Variants in CSNK1A1 observed in about 807,000 individuals in gnomAD.
CSNK1A1 encodes casein kinase I isoform alpha.
CSNK1A1 carries 7 observed loss-of-function variants against 46.1 expected under a neutral mutation model. The observed-to-expected ratio is 0.15, with a 90% CI of 0.09 to 0.29. CSNK1A1 has a LOEUF of 0.29. CSNK1A1 is among the 10% of genes least tolerant of loss of function. The pLI is 1.00. For missense variants in CSNK1A1, 96 were observed against 417.1 expected, an observed-to-expected ratio of 0.23 and a Z score of 6.71; for synonymous variants, 137 against 141.5, an observed-to-expected ratio of 0.97 and a Z score of 0.23.
Position 149,517,397 on chromosome 5 carries a change from T to C in CSNK1A1, c.456+2893A>G, listed in dbSNP as rs1325076304. Among the ~76,000 whole-genome samples the C allele has an allele frequency of 6.6e-6, 1 of 152,196 alleles. No homozygotes were observed. Among genetic ancestry groups the C allele is most frequent in the Non-Finnish European group, 1.5e-5 (1 of 68,022 alleles). Reference sequence around the variant, plus strand: ...GTAGAATATATTCATTATACAGCACTAATGAACTGAATTTAAATATATTTC... The same window carrying C: ...GTAGAATATATTCATTATACAGCACCAATGAACTGAATTTAAATATATTTC... On this transcript the variant is annotated intron_variant, in intron 4 of 9. Coordinates refer to ENST00000377843, the MANE Select transcript of CSNK1A1 (RefSeq NM_001892.6). The surrounding 1 kb of genome is among the most constrained non-coding windows in gnomAD (Gnocchi z 4.4).
chr5:149,522,600 T>C (rs929965738), intron 3 of CSNK1A1, among the ~76,000 whole-genome samples: 1 of 152,236 alleles, frequency 6.6e-6, no homozygotes, highest in Admixed American at 6.5e-5. Flanking sequence ...GATTCTAAAT[T>C]GTACTCTTCT....
chr5:149,502,425 C>T, intron 9 of CSNK1A1: 2 of 548,654 alleles, frequency 3.6e-6, no homozygotes, highest in Non-Finnish European at 4.6e-6. Context: ...TCATTGCAGC[C>T]TCAACCTCCA....
chr5:149,549,695 T>C (rs1477942529), intron 2 of CSNK1A1, among the ~76,000 whole-genome samples: 1 of 152,152 alleles, frequency 6.6e-6, no homozygotes, highest in Non-Finnish European at 1.5e-5. Flanking sequence ...GAACTGACAC[T>C]GCCGGGTCGC....
chr5:149,530,584 G>A (rs1268928063), intron 2 of CSNK1A1, among the ~76,000 whole-genome samples: 1 of 152,050 alleles, frequency 6.6e-6, no homozygotes, highest in Non-Finnish European at 1.5e-5. Context: ...CCTTTTTAAT[G>A]GGAGCAGAAA....
At chr5:149,503,444 T>C in intron 9 of CSNK1A1, 1 of 985,468 alleles carries the variant, frequency 1.0e-6, no homozygotes, top group Non-Finnish European at 1.2e-6. Context: ...ACAGATGTAC[T>C]GCCTTGGAAG....
At chr5:149,536,676 GATGGCTATTCAAATAC>G (rs1360391093) in intron 2 of CSNK1A1, among the ~76,000 whole-genome samples, 3 of 152,176 alleles carry the variant, frequency 2.0e-5, no homozygotes, top group Non-Finnish European at 4.4e-5. Context: ...AGAAAGAAAA[GATGGCTATTCAAATAC>G]ATGAATAGCT....
At chr5:149,497,418 G>C (rs996587558) in intron 9 of CSNK1A1, 1 of 985,688 alleles carries the variant, frequency 1.0e-6, no homozygotes, top group African/African-American at 1.7e-5. Context: ...GCATTAGAAA[G>C]ATTGTTTTGT....
intron 2 of CSNK1A1, among the ~76,000 whole-genome samples, chr5:149,548,304 C>T (rs949322679): frequency 2.0e-5 from 3 of 152,242 alleles, no homozygotes; most frequent in East Asian, 3.9e-4. Flanking sequence ...CGGTGGCTCA[C>T]GCCTATAATC....
intron 9 of CSNK1A1, chr5:149,498,484 T>A: frequency 1.0e-6 from 1 of 985,290 alleles, no homozygotes. Context: ...AATTTCAATT[T>A]TAAAATACAG....
At chr5:149,511,688 C>T (rs1047258756) in intron 6 of CSNK1A1, 106 bp downstream of exon 6, 4 of 770,804 alleles carry the variant, frequency 5.2e-6, no homozygotes, top group Non-Finnish European at 8.5e-6. Context: ...CTTTATATCT[C>T]AGAAAAATCT....
rs1760656275 is a variant in CSNK1A1 at position 149,496,450 on chromosome 5, T to A, written c.*403A>T. ...GAGCATTTAACAACCATCACAACTG[T>A]GGCTGAAGACTGTTCATGCCGTTCT... On this transcript the variant is annotated 3_prime_UTR_variant, in exon 10 of 10. Transcript: ENST00000377843. The A allele has an allele frequency of 5.7e-6, 1 of 175,744 alleles. No homozygotes were observed. The highest frequency in any genetic ancestry group is 1.2e-5 in the Non-Finnish European group (1 of 83,166). 10.9% of individuals were successfully genotyped at this position (175,744 alleles called of 1,614,324 possible).
chr5:149,522,748 A>C (rs1264706012), intron 3 of CSNK1A1, among the ~76,000 whole-genome samples: 1 of 152,112 alleles, frequency 6.6e-6, no homozygotes, highest in Non-Finnish European at 1.5e-5. Flanking sequence ...CCTTCCTCAG[A>C]ATTATATTTT....
At chr5:149,503,900 A>T in intron 9 of CSNK1A1, 1 of 985,464 alleles carries the variant, frequency 1.0e-6, no homozygotes, top group Non-Finnish European at 1.2e-6. Flanking sequence ...CTATTATCCC[A>T]GCTAGCTTTC....
At chr5:149,505,099 GGATT>G (rs1373233761) in intron 9 of CSNK1A1, 3 of 1,002,926 alleles carry the variant, frequency 3.0e-6, no homozygotes, top group Non-Finnish European at 3.6e-6. Context: ...CTAGGATTTT[GGATT>G]GATTGATTAT....
intron 7 of CSNK1A1, among the ~76,000 whole-genome samples, chr5:149,508,974 C>G (rs558554088): frequency 4.9e-4 from 74 of 152,302 alleles, no homozygotes; most frequent in African/African-American, 1.8e-3. Context: ...GTCACCCAAG[C>G]TGGACTGCAG....
At chr5:149,549,054 G>A (rs142803723) in intron 2 of CSNK1A1, among the ~76,000 whole-genome samples, 1 of 152,262 alleles carries the variant, frequency 6.6e-6, no homozygotes, top group East Asian at 1.9e-4. Flanking sequence ...ACAGAACAAT[G>A]TCTATCTCGT....
chr5:149,545,894 C>CT (rs201438979), intron 2 of CSNK1A1: 15,445 of 231,268 alleles, frequency 0.067, 589 homozygotes, highest in East Asian at 0.16. Context: ...CTTATCCTTG[C>CT]TTTTTTTTTT....
At position 149,518,877 on chromosome 5, in the gene CSNK1A1, G is replaced by A. The variant is rs1266311644; in HGVS notation, c.456+1413C>T. ...AAAAACCACGTACTGCAATGTCAAC[G>A]ATGCAGAATAGGAATCACATGGTGA... On this transcript the variant is annotated intron_variant, in intron 4 of 9. Coordinates refer to ENST00000377843, the MANE Select transcript of CSNK1A1 (RefSeq NM_001892.6). Among the ~76,000 whole-genome samples, 3 of 152,018 alleles carry A rather than the reference G, an allele frequency of 2.0e-5. No homozygotes were observed. In the East Asian group the frequency reaches 5.8e-4, roughly 29 times the overall value.
intron 9 of CSNK1A1, chr5:149,502,047 A>G (rs1051760054): frequency 1.0e-6 from 1 of 983,202 alleles, no homozygotes; most frequent in South Asian, 4.7e-5. Context: ...TCTAAAGAAT[A>G]TAAGGAAGGC....
Sources: allele counts gnomAD v4.1 joint callset (sites outside exome capture counted in the v4.1 genomes callset), GRCh38; gene constraint gnomAD v4.1.1; non-coding constraint Gnocchi (gnomAD v3.1); transcripts MANE v1.5; gene names NCBI Gene and HGNC (gene_info 2026-07-23, HGNC 2026-07-21).